ESR1: variants seen among roughly 807,000 people sequenced by gnomAD.
ESR1 encodes estrogen receptor 1.
A neutral mutation model predicts 52.7 loss-of-function variants in ESR1; 12 were observed. The ratio of observed to expected loss-of-function variants is 0.23; its 90% CI spans 0.15 to 0.37. The LOEUF (loss-of-function observed/expected upper bound fraction) is 0.37, where lower values mean the gene tolerates loss of function less well. Ranked by LOEUF, ESR1 falls within the 10% of genes least tolerant of loss-of-function variation. The pLI is 1.00. For missense variants in ESR1, 584 were observed against 779.7 expected (o/e 0.75, Z 2.99); for synonymous variants, 305 against 316.8 (o/e 0.96, Z 0.39).
intron 3 of ESR1, among the ~76,000 whole-genome samples, chr6:151,928,734 A>G (rs940951277): frequency 6.6e-6 from 1 of 151,990 alleles, no homozygotes; most frequent in Non-Finnish European, 1.5e-5. Flanking sequence ...CTTTTCCTGC[A>G]TCCCACAAAT....
chr6:152,007,453 A>C, intron 4 of ESR1, among the ~76,000 whole-genome samples: 1 of 151,988 alleles, frequency 6.6e-6, no homozygotes, highest in East Asian at 1.9e-4. Flanking sequence ...GACTCCCCTC[A>C]ATTTTATTAG....
chr6:152,062,992 G>A lies in ESR1; in HGVS notation c.1369+1868G>A, dbSNP rs560131859. ...ATATCAGGATTTTTGCCACCAAAAAGTTGGATTCATAGACCCAGGGTTTTT... is the reference window on the plus strand; with the variant it reads ...ATATCAGGATTTTTGCCACCAAAAAATTGGATTCATAGACCCAGGGTTTTT... On this transcript the variant is annotated intron_variant, in intron 6 of 7. Coordinates refer to ENST00000206249, the MANE Select transcript of ESR1 (RefSeq NM_000125.4). Among the ~76,000 whole-genome samples the A allele has an allele frequency of 2.4e-4, 37 of 152,288 alleles. 1 individual carries two copies. The South Asian group carries it at 4.1e-3, about 17-fold the overall frequency.
At position 151,755,920 on chromosome 6, in the gene ESR1, C is replaced by T. The variant is rs565921343; in HGVS notation, c.-70-51923C>T. The stretch of plus-strand genomic sequence containing the variant: ...TGCTGGGATTACAGGTGTGAGCCAC[C>T]GCGCCCAGCCATGACTCTTTTCAAA... On this transcript the variant is annotated intron_variant, in intron 2 of 2. Coordinates refer to the ESR1 transcript ENST00000404742. 2.6e-5 allele frequency among the ~76,000 whole-genome samples: 4 copies of T among 152,130 alleles called. No homozygotes were observed. In the South Asian group the frequency reaches 8.3e-4, roughly 32 times the overall value.
intron 2 of ESR1, among the ~76,000 whole-genome samples, chr6:151,786,913 G>T (rs184992154): frequency 6.6e-6 from 1 of 152,136 alleles, no homozygotes; most frequent in African/African-American, 2.4e-5. Context: ...AGGTTCAAGC[G>T]ATTCCCCTGC....
At chr6:151,737,071 G>A (rs761640296) in intron 2 of ESR1, among the ~76,000 whole-genome samples, 90 of 152,144 alleles carry the variant, frequency 5.9e-4, no homozygotes, top group African/African-American at 1.7e-3. Context: ...GTTTTCACAC[G>A]TACTGTTTGG....
chr6:151,868,407 C>T (rs572738694), intron 2 of ESR1, among the ~76,000 whole-genome samples: 17 of 152,176 alleles, frequency 1.1e-4, no homozygotes, highest in Admixed American at 8.5e-4. Context: ...GGATTACAGG[C>T]GTCAGCCACT....
At position 151,835,500 on chromosome 6, in the gene ESR1, T is replaced by C. The variant is rs148372789; in HGVS notation, c.453-7097T>C. ...AGTGGTTGCCAGACATAGAAGCTAG[T>C]GTCTAACTAGATGTCATGAGATGTG... On this transcript the variant is annotated intron_variant, in intron 1 of 7. Coordinates refer to ENST00000206249, the MANE Select transcript of ESR1 (RefSeq NM_000125.4). 8.6e-4 allele frequency among the ~76,000 whole-genome samples: 131 copies of C among 152,324 alleles called. 1 individual carries two copies. Among genetic ancestry groups the C allele is most frequent in the African/African-American group, 2.9e-3 (122 of 41,574 alleles).
At chr6:151,721,464 C>T (rs954792977) in intron 2 of ESR1, among the ~76,000 whole-genome samples, 5 of 152,088 alleles carry the variant, frequency 3.3e-5, no homozygotes, top group Admixed American at 1.3e-4. Flanking sequence ...ATTGATGGAG[C>T]GAGATTCCTG....
chr6:151,993,013 G>A (rs1296014778), intron 4 of ESR1, among the ~76,000 whole-genome samples: 1 of 152,020 alleles, frequency 6.6e-6, no homozygotes, highest in East Asian at 1.9e-4. Flanking sequence ...GGGGAGATGG[G>A]GGAGTCTCTG....
chr6:152,122,064 T>C (rs1282204184), intron 6 of ESR1: 4 of 313,756 alleles, frequency 1.3e-5, no homozygotes, highest in Admixed American at 4.5e-5. Flanking sequence ...TATCTGATGG[T>C]TGGAGCAGCA....
At chr6:151,688,953 C>T (rs559716132), upstream of ESR1, among the ~76,000 whole-genome samples, 31 of 152,042 alleles carry the variant, frequency 2.0e-4, no homozygotes, top group African/African-American at 6.5e-4. Context: ...GGAATGCAAA[C>T]GAATATCAAT....
At position 151,864,569 on chromosome 6, in the gene ESR1, C is replaced by T. The variant is rs1403422649; in HGVS notation, c.644-16086C>T. On this transcript the variant is annotated intron_variant, in intron 2 of 7. Coordinates refer to ENST00000206249, the MANE Select transcript of ESR1 (RefSeq NM_000125.4). ...TCTACAACTAGAAATACCATTTGAC[C>T]CAGCCATCCCATTACTGGGTATATA... Among the ~76,000 whole-genome samples the T allele has an allele frequency of 2.0e-5, 3 of 152,230 alleles. No homozygotes were observed. The East Asian group carries it at 5.8e-4, about 29-fold the overall frequency.
chr6:151,681,076 T>C (rs774435180), intron 1 of ESR1, among the ~76,000 whole-genome samples: 1 of 152,212 alleles, frequency 6.6e-6, no homozygotes, highest in Admixed American at 6.5e-5. Context: ...GGGCACGTCC[T>C]TGTTCCTGCT....
chr6:151,814,783 G>A (rs1779359707), intron 1 of ESR1, among the ~76,000 whole-genome samples: 1 of 152,170 alleles, frequency 6.6e-6, no homozygotes, highest in Non-Finnish European at 1.5e-5. Context: ...GTGTGGTTTT[G>A]TTTTCCCAGC....
chr6:151,907,169 C>T (rs901231938), intron 3 of ESR1, among the ~76,000 whole-genome samples: 2 of 151,916 alleles, frequency 1.3e-5, no homozygotes, highest in African/African-American at 4.8e-5. Flanking sequence ...CTTTATAATC[C>T]TTGAAAGGGA....
intron 1 of ESR1, among the ~76,000 whole-genome samples, chr6:151,676,496 G>A (rs561964998): frequency 5.9e-5 from 9 of 152,210 alleles, no homozygotes; most frequent in South Asian, 2.1e-4. Context: ...CCATCTTTTC[G>A]GAGATTTTTC....
intron 2 of ESR1, among the ~76,000 whole-genome samples, chr6:151,847,375 A>ATT (rs1397537615): frequency 2.0e-5 from 3 of 152,030 alleles, no homozygotes; most frequent in Admixed American, 6.5e-5. Context: ...AAGAGTTCCT[A>ATT]TTTCTCCACA....
intron 1 of ESR1, among the ~76,000 whole-genome samples, chr6:151,690,953 GT>G (rs1019263389): frequency 6.6e-6 from 1 of 152,192 alleles, no homozygotes; most frequent in Non-Finnish European, 1.5e-5. Flanking sequence ...CAGGCTGCCT[GT>G]CTGTTCCAGA....
chr6:151,991,849 A>T (rs187906021), intron 4 of ESR1, among the ~76,000 whole-genome samples: 1 of 152,278 alleles, frequency 6.6e-6, no homozygotes, highest in Non-Finnish European at 1.5e-5. Flanking sequence ...TCAGTCAGAC[A>T]GGAGTGCCTT....
Sources: allele counts gnomAD v4.1 joint callset (sites outside exome capture counted in the v4.1 genomes callset), GRCh38; gene constraint gnomAD v4.1.1; transcripts MANE v1.5; gene names NCBI Gene and HGNC (gene_info 2026-07-23, HGNC 2026-07-21).